Variants in PTPRK observed in about 807,000 individuals in gnomAD.
PTPRK encodes the protein protein tyrosine phosphatase receptor type K.
A neutral mutation model predicts 178.0 loss-of-function variants in PTPRK; 75 were observed. That is an observed-to-expected ratio of 0.42 (90% CI 0.35 to 0.51). PTPRK has a LOEUF of 0.51. Among genes scored for constraint, PTPRK ranks in the 20% least tolerant of loss-of-function variants. The pLI is 0.02. For missense variants in PTPRK, 1,441 were observed against 1,797.8 expected (o/e 0.80, Z 3.59); for synonymous variants, 637 against 620.6 (o/e 1.03, Z -0.39).
chr6:128,273,222 G>A (rs1820168847), intron 3 of PTPRK, among the ~76,000 whole-genome samples: 1 of 151,988 alleles, frequency 6.6e-6, no homozygotes, highest in African/African-American at 2.4e-5. Context: ...GGTCGGGGGA[G>A]TGGGGAGGGA....
intron 3 of PTPRK, among the ~76,000 whole-genome samples, chr6:128,264,776 T>C (rs1032358921): frequency 1.3e-5 from 2 of 152,154 alleles, no homozygotes; most frequent in Non-Finnish European, 2.9e-5. Context: ...ACAATTCCCA[T>C]GTGTCCTGGG....
rs528514974 is a variant in PTPRK, at chr6:127,979,715, G to A, written c.3711+1401C>T. On this transcript the variant is annotated intron_variant, in intron 25 of 29. Coordinates refer to ENST00000368226, the MANE Select transcript of PTPRK (RefSeq NM_002844.4). ...GACTACTCGTAGAAACAGAATGTGG[G>A]CTTAACAGGAACAATAACTTAGAAA... Among the ~76,000 whole-genome samples, 3 of 152,288 alleles carry A rather than the reference G, an allele frequency of 2.0e-5. No homozygotes were observed. The East Asian group carries it at 5.8e-4, about 29-fold the overall frequency.
chr6:128,001,574 T>A (rs1458991854), intron 15 of PTPRK, among the ~76,000 whole-genome samples: 1 of 152,044 alleles, frequency 6.6e-6, no homozygotes, highest in Non-Finnish European at 1.5e-5. Context: ...TAAACATGAA[T>A]ATCCTTTTTC....
rs757197327 is a variant in PTPRK, at chr6:128,089,866, T to C, written c.1289A>G (p.His430Arg). ...CHTFNVTICY[H>R]YFRGHNESKA... ...GCTCTCGTTGTGACCACGGAAGTAA[T>C]GGTAGCAGATAGTGACATTAAAAGT... The change falls in exon 8 of 30, where the codon CAT becomes CGT. Residue 430 changes from histidine (H) to arginine (R), a missense_variant. Physicochemically the swap from His to Arg is conservative, Grantham distance 29. Coordinates refer to ENST00000368226, the MANE Select transcript of PTPRK (RefSeq NM_002844.4). The C allele has an allele frequency of 3.7e-6, 6 of 1,614,004 alleles. No homozygotes were observed. Among genetic ancestry groups the C allele is most frequent in the East Asian group, 4.5e-5 (2 of 44,870 alleles).
At chr6:128,015,218 G>A (rs534968996) in intron 13 of PTPRK, among the ~76,000 whole-genome samples, 157 of 151,634 alleles carry the variant, frequency 1.0e-3, no homozygotes, top group Non-Finnish European at 1.9e-3. Flanking sequence ...TTTTAAGAAA[G>A]CAATAAAATA....
chr6:128,298,676 A>G (rs1285381221), intron 3 of PTPRK, among the ~76,000 whole-genome samples: 1 of 152,210 alleles, frequency 6.6e-6, no homozygotes, highest in Non-Finnish European at 1.5e-5. Flanking sequence ...ATAACCCTTC[A>G]TGCTAAAAAC....
chr6:128,370,117 C>A (rs765530355), intron 2 of PTPRK, among the ~76,000 whole-genome samples: 1 of 152,040 alleles, frequency 6.6e-6, no homozygotes, highest in Non-Finnish European at 1.5e-5. Context: ...TGTTCCCTTG[C>A]ACATAACAGA....
chr6:128,500,744 C>T (rs1464222600), intron 1 of PTPRK: 2 of 152,164 alleles, frequency 1.3e-5, no homozygotes, highest in African/African-American at 2.4e-5. Context: ...AGAAAGAGTA[C>T]TAACTGAGAA....
intron 2 of PTPRK, among the ~76,000 whole-genome samples, chr6:128,353,190 T>C (rs899769279): frequency 1.3e-5 from 2 of 152,196 alleles, no homozygotes; most frequent in Non-Finnish European, 2.9e-5. Flanking sequence ...TAAACAACTA[T>C]TGGAACAGCT....
chr6:128,455,338 T>C (rs576881823), intron 1 of PTPRK, among the ~76,000 whole-genome samples: 1 of 152,306 alleles, frequency 6.6e-6, no homozygotes, highest in Non-Finnish European at 1.5e-5. Flanking sequence ...CTCATTTTCT[T>C]CTTAGTCTCA....
In PTPRK at chr6:127,969,292, C is replaced by T. The variant is rs1329098595; in HGVS notation, c.*935G>A. The T allele has an allele frequency of 6.6e-6, 1 of 152,110 alleles. No homozygotes were observed. The highest frequency in any genetic ancestry group is 2.4e-5 in the African/African-American group (1 of 41,418). The allele number at this position is 152,110 out of a possible 1,614,324, so 9.4% of individuals were successfully genotyped here. ...GTATGATCACCAAACCATTATTTAC[C>T]TAATGAAATTGTGAAAAACTATACA... On this transcript the variant is annotated 3_prime_UTR_variant, in exon 30 of 30. Transcript: ENST00000368226.
At chr6:128,429,312 C>A (rs1294169483) in intron 1 of PTPRK, among the ~76,000 whole-genome samples, 1 of 152,180 alleles carries the variant, frequency 6.6e-6, no homozygotes, top group Non-Finnish European at 1.5e-5. Context: ...ACCATTATAG[C>A]CTTGCCCTGC....
chr6:128,357,389 C>T (rs1375173717), intron 2 of PTPRK, among the ~76,000 whole-genome samples: 2 of 152,188 alleles, frequency 1.3e-5, no homozygotes, highest in African/African-American at 4.8e-5. Context: ...TCACAGACCT[C>T]TGATTACCAA....
intron 2 of PTPRK, among the ~76,000 whole-genome samples, chr6:128,384,702 A>G (rs1333506384): frequency 1.3e-5 from 2 of 152,348 alleles, no homozygotes; most frequent in South Asian, 2.1e-4. Flanking sequence ...ATTTAAAGAA[A>G]TACATTGAAT....
At chr6:128,205,655 C>T (rs1045857153) in intron 6 of PTPRK, among the ~76,000 whole-genome samples, 1 of 151,192 alleles carries the variant, frequency 6.6e-6, no homozygotes, top group African/African-American at 2.4e-5. Context: ...CCTGTAATCC[C>T]AGTTACTTGA....
intron 7 of PTPRK, among the ~76,000 whole-genome samples, chr6:128,136,203 G>C (rs548379064): frequency 2.4e-4 from 36 of 152,312 alleles, no homozygotes; most frequent in African/African-American, 7.7e-4. Context: ...CTGACACTTT[G>C]ATTTCAGACT....
intron 7 of PTPRK, among the ~76,000 whole-genome samples, chr6:128,135,697 ATGC>A (rs914810409): frequency 2.2e-4 from 34 of 152,252 alleles, no homozygotes; most frequent in African/African-American, 7.2e-4. Context: ...GAGCCTCAAA[ATGC>A]TGCTAATTCC....
At chr6:128,473,399 TTAC>T (rs1205557946) in intron 1 of PTPRK, among the ~76,000 whole-genome samples, 1 of 145,570 alleles carries the variant, frequency 6.9e-6, no homozygotes, top group Non-Finnish European at 1.5e-5. Context: ...CACTATATGG[TTAC>T]TATTTTTTTT....
At chr6:128,029,687 A>C (rs144985989) in intron 13 of PTPRK, among the ~76,000 whole-genome samples, 1,945 of 140,156 alleles carry the variant, frequency 0.014, 21 homozygotes, top group Middle Eastern at 0.027. Context: ...TAATAATAAT[A>C]ATCCAGCCTC....
Sources: allele counts gnomAD v4.1 joint callset (sites outside exome capture counted in the v4.1 genomes callset), GRCh38; gene constraint gnomAD v4.1.1; transcripts MANE v1.5; gene names NCBI Gene and HGNC (gene_info 2026-07-23, HGNC 2026-07-21).